RPS6KA5: variants seen among roughly 807,000 people sequenced by gnomAD.
The protein encoded by RPS6KA5 is ribosomal protein S6 kinase A5.
A neutral mutation model predicts 85.5 loss-of-function variants in RPS6KA5; 27 were observed. The observed-to-expected ratio is 0.32, with a 90% CI of 0.23 to 0.44. The LOEUF is 0.44. Ranked by LOEUF, RPS6KA5 falls within the 20% of genes least tolerant of loss-of-function variation. The probability of loss-of-function intolerance (pLI) is 1.00; values close to 1 mark genes in which losing one functional copy is unlikely to be tolerated. For missense variants in RPS6KA5, 811 were observed against 980.9 expected (o/e 0.83, Z 2.31); for synonymous variants, 334 against 348.2 (o/e 0.96, Z 0.46).
chr14:90,989,516 TAA>T (rs2040211331), intron 2 of RPS6KA5, among the ~76,000 whole-genome samples: 1 of 152,164 alleles, frequency 6.6e-6, no homozygotes, highest in African/African-American at 2.4e-5. Context: ...CAGAGAATAC[TAA>T]AGTCTTTAGC....
rs140126863 is a variant in RPS6KA5 at position 90,920,233 on chromosome 14, T to C, written c.779A>G (p.Glu260Gly). ...AGATATCTCAGCTTGGGAATTTTTT[T>C]CTCCATCAACAGTGAAAGGAGATGC... ...TGASPFTVDG[E>G]KNSQAEISRR... Residue 260 changes from glutamate (E) to glycine (G), a missense_variant, in exon 7 of 17, where the codon GAA becomes GGA. By Grantham distance (98) the Glu-to-Gly change is moderately conservative. Transcript: ENST00000614987. 188 of 1,611,622 alleles carry C rather than the reference T, an allele frequency of 1.2e-4. No individual in the cohort carries two copies. In the African/African-American group the frequency reaches 2.3e-3, roughly 20 times the overall value.
At chr14:90,894,269 A>G (rs2140206900) in intron 13 of RPS6KA5, 144 bp downstream of exon 13, 2 of 1,268,234 alleles carry the variant, frequency 1.6e-6, no homozygotes, top group South Asian at 6.7e-5. Context: ...AAAAAACATC[A>G]AAGAAACGTA....
At position 90,861,237 on chromosome 14, in the gene RPS6KA5, T is replaced by C. The variant is rs2032531553; in HGVS notation, c.*10837A>G. On this transcript the variant is annotated 3_prime_UTR_variant, in exon 17 of 17. Transcript: ENST00000614987. ...GTAGTAGTACTACTAATAAAAATAA[T>C]GTCGGCCGGGCGCGGTGGCTCACGC... 1 of 148,296 alleles carries C rather than the reference T, an allele frequency of 6.7e-6. No individual in the cohort carries two copies. Among genetic ancestry groups the C allele is most frequent in the South Asian group, 2.2e-4 (1 of 4,450 alleles). The allele number at this position is 148,296 out of a possible 1,614,324, so 9.2% of individuals were successfully genotyped here. A position where few individuals can be genotyped will look rare whatever the true frequency, so the allele number is the denominator to read the frequency against.
At chr14:91,018,503 G>A (rs1008648651) in intron 1 of RPS6KA5, among the ~76,000 whole-genome samples, 1 of 152,216 alleles carries the variant, frequency 6.6e-6, no homozygotes, top group African/African-American at 2.4e-5. Context: ...CTGCCAGCAT[G>A]GCTAGAACAA....
intron 14 of RPS6KA5, 142 bp downstream of exon 14, chr14:90,890,345 G>T: frequency 1.9e-6 from 1 of 515,228 alleles, no homozygotes; most frequent in Non-Finnish European, 3.4e-6. Context: ...ATACTATTCA[G>T]TCAGGCCTCT....
intron 3 of RPS6KA5, among the ~76,000 whole-genome samples, chr14:90,972,589 G>A (rs1455281520): frequency 3.3e-5 from 5 of 152,244 alleles, no homozygotes; most frequent in South Asian, 2.1e-4. Context: ...CATGTCATAC[G>A]CCATCCACAT....
chr14:91,026,310 A>C (rs531582850), intron 1 of RPS6KA5, among the ~76,000 whole-genome samples: 1 of 152,222 alleles, frequency 6.6e-6, no homozygotes, highest in East Asian at 1.9e-4. Flanking sequence ...GGCTCACTGC[A>C]GCCTCCGTCT....
intron 1 of RPS6KA5, among the ~76,000 whole-genome samples, chr14:91,004,802 C>A (rs28439606): frequency 0.013 from 1,995 of 151,810 alleles, 53 homozygotes; most frequent in African/African-American, 0.046. Flanking sequence ...CCCGTCTCTA[C>A]TAAAAATACA....
chr14:91,028,179 A>G (rs138114680), intron 1 of RPS6KA5, among the ~76,000 whole-genome samples: 337 of 152,306 alleles, frequency 2.2e-3, no homozygotes, highest in Non-Finnish European at 4.0e-3. Context: ...GCTATTGCCA[A>G]CTTTAAATTA....
chr14:90,946,622 T>C (rs1230665317), intron 4 of RPS6KA5, among the ~76,000 whole-genome samples: 2 of 152,166 alleles, frequency 1.3e-5, no homozygotes, highest in African/African-American at 2.4e-5. Context: ...CTTAAACTAG[T>C]GTAGGACCTG....
chr14:90,880,212 T>C (rs531411157), intron 14 of RPS6KA5, among the ~76,000 whole-genome samples: 1 of 152,174 alleles, frequency 6.6e-6, no homozygotes, highest in African/African-American at 2.4e-5. Context: ...GCAACCATCA[T>C]CACCATCCAT....
In RPS6KA5 at chr14:90,906,226, A is replaced by G; in HGVS notation, c.880T>C (p.Leu294=). 6 of 1,613,184 alleles carry G rather than the reference A, an allele frequency of 3.7e-6. No homozygotes were observed. Among genetic ancestry groups the G allele is most frequent in the Non-Finnish European group, 5.1e-6 (6 of 1,179,320 alleles). Reference sequence around the variant, plus strand: ...AATCTCTTCTTGGGATCTTTCATCAAAAGACGCTGAATTAGGTCTTTCGCT... The same window carrying G: ...AATCTCTTCTTGGGATCTTTCATCAGAAGACGCTGAATTAGGTCTTTCGCT... ...ALAKDLIQRL[L]MKDPKKRLGC... is the part of the protein sequence containing the mutation. Residue 294 remains leucine (L), a synonymous_variant, in exon 8 of 17, where the codon TTG becomes CTG. Coordinates refer to ENST00000614987, the MANE Select transcript of RPS6KA5 (RefSeq NM_004755.4).
intron 1 of RPS6KA5, among the ~76,000 whole-genome samples, chr14:91,024,629 A>G (rs1254472494): frequency 6.6e-6 from 1 of 152,190 alleles, no homozygotes; most frequent in Non-Finnish European, 1.5e-5. Context: ...CACTGGTCAC[A>G]TCTCCAAGGT....
Position 90,871,562 on chromosome 14 carries a change from AAAC to A in RPS6KA5, c.*509_*511del. ...ATCATCATATGTAACCATAAAATAA[AAAC>A]AATAAGTTAAAATCTTCTCTCAAGA... is the stretch of plus-strand genomic sequence containing the variant. On this transcript the variant is annotated 3_prime_UTR_variant, in exon 17 of 17. Transcript: ENST00000614987. The A allele has an allele frequency of 6.6e-6, 1 of 152,282 alleles. No homozygotes were observed. The highest frequency in any genetic ancestry group is 2.1e-4 in the South Asian group (1 of 4,824). The allele number at this position is 152,282 out of a possible 1,614,324, so 9.4% of individuals were successfully genotyped here.
chr14:90,889,849 T>C (rs1438795580), intron 14 of RPS6KA5, among the ~76,000 whole-genome samples: 2 of 152,212 alleles, frequency 1.3e-5, no homozygotes, highest in Non-Finnish European at 2.9e-5. Flanking sequence ...GTGAAGAATA[T>C]GAGTAATTTT....
At chr14:90,918,339 A>C (rs979181980) in intron 7 of RPS6KA5, among the ~76,000 whole-genome samples, 2 of 152,196 alleles carry the variant, frequency 1.3e-5, no homozygotes, top group African/African-American at 4.8e-5. Context: ...TTCTCTGATG[A>C]ACTGTCTGTT....
At chr14:91,048,351 A>G (rs1040767021) in intron 1 of RPS6KA5, among the ~76,000 whole-genome samples, 8 of 152,240 alleles carry the variant, frequency 5.3e-5, no homozygotes, top group African/African-American at 1.9e-4. Flanking sequence ...CCAAAAACAC[A>G]CTGACTATAT....
In RPS6KA5 at chr14:90,861,328, C is replaced by T. The variant is rs1218967204; in HGVS notation, c.*10746G>A. 6 of 148,316 alleles carry T rather than the reference C, an allele frequency of 4.0e-5. No homozygotes were observed. Among genetic ancestry groups the T allele is most frequent in the Non-Finnish European group, 7.5e-5 (5 of 66,760 alleles). 9.2% of individuals were successfully genotyped at this position (148,316 alleles called of 1,614,324 possible). On this transcript the variant is annotated 3_prime_UTR_variant, in exon 17 of 17. Transcript: ENST00000614987. ...ACGAGGTCAGGAGATCGAGACCATC[C>T]CGGCTAAAACGGTGAAACCCCATCT...
At chr14:90,917,323 TC>T (rs1171816599) in intron 7 of RPS6KA5, among the ~76,000 whole-genome samples, 65 of 152,196 alleles carry the variant, frequency 4.3e-4, no homozygotes, top group African/African-American at 1.5e-3. Flanking sequence ...TCCTAGCCTG[TC>T]CTGGAAAAGG....
Sources: allele counts gnomAD v4.1 joint callset (sites outside exome capture counted in the v4.1 genomes callset), GRCh38; gene constraint gnomAD v4.1.1; transcripts MANE v1.5; gene names NCBI Gene and HGNC (gene_info 2026-07-23, HGNC 2026-07-21).